The following JARID2 variants were observed in gnomAD, a reference collection of about 807,000 sequenced individuals.
JARID2 encodes jumonji and AT-rich interaction domain containing 2.
JARID2 carries 21 observed loss-of-function variants against 125.6 expected under a neutral mutation model. The observed-to-expected ratio is 0.17, with a 90% CI of 0.12 to 0.24. JARID2 has a LOEUF of 0.24. Among genes scored for constraint, JARID2 ranks in the 10% least tolerant of loss-of-function variants. JARID2 has a pLI of 1.00. For missense variants in JARID2, 1,303 were observed against 1,639.6 expected (o/e 0.79, Z 3.55); for synonymous variants, 736 against 661.6 (o/e 1.11, Z -1.73).
chr6:15,400,015 C>T (rs886991782), intron 2 of JARID2, among the ~76,000 whole-genome samples: 3 of 152,236 alleles, frequency 2.0e-5, no homozygotes, highest in African/African-American at 7.2e-5. Flanking sequence ...CTCCAGTTGT[C>T]TGAGGCCAGG....
chr6:15,476,913 A>G (rs765755015), intron 5 of JARID2, among the ~76,000 whole-genome samples: 2 of 152,162 alleles, frequency 1.3e-5, no homozygotes, highest in African/African-American at 2.4e-5. Context: ...AGACTAGAGG[A>G]ATTAATAAAT....
At chr6:15,466,080 A>C (rs1768718135) in intron 4 of JARID2, among the ~76,000 whole-genome samples, 1 of 152,180 alleles carries the variant, frequency 6.6e-6, no homozygotes, top group African/African-American at 2.4e-5. Context: ...CTGGGATTAC[A>C]GGCGTGAGCC....
intron 3 of JARID2, among the ~76,000 whole-genome samples, chr6:15,446,438 G>A (rs755428304): frequency 1.2e-4 from 19 of 152,350 alleles, no homozygotes; most frequent in Non-Finnish European, 2.5e-4. Context: ...CTCTATTACA[G>A]AGTAACAGGC....
intron 1 of JARID2, among the ~76,000 whole-genome samples, chr6:15,282,536 C>CTCTTTCTCTCTCTGTCTTTG (rs1383220369): frequency 1.3e-5 from 2 of 151,784 alleles, no homozygotes; most frequent in East Asian, 3.9e-4. Context: ...TTTGTTCTCT[C>CTCTTTCTCTCTCTGTCTTTG]TCTTTCTCTC....
chr6:15,486,098 A>T (rs1457393908), intron 5 of JARID2, among the ~76,000 whole-genome samples: 1 of 152,312 alleles, frequency 6.6e-6, no homozygotes, highest in South Asian at 2.1e-4. Flanking sequence ...CTCTGGCAGG[A>T]TGATGGCTAA....
At chr6:15,334,418 G>A (rs896592545) in intron 1 of JARID2, among the ~76,000 whole-genome samples, 20 of 152,040 alleles carry the variant, frequency 1.3e-4, no homozygotes, top group African/African-American at 4.1e-4. Context: ...ATATTGATAC[G>A]TATTTTAATG....
At chr6:15,491,132 G>A (rs1018877184) in intron 6 of JARID2, among the ~76,000 whole-genome samples, 13 of 152,204 alleles carry the variant, frequency 8.5e-5, no homozygotes, top group Non-Finnish European at 1.6e-4. Flanking sequence ...TATTGAGAAG[G>A]AAACATAGAA....
chr6:15,386,012 T>C (rs1764771099), intron 2 of JARID2, among the ~76,000 whole-genome samples: 1 of 152,254 alleles, frequency 6.6e-6, no homozygotes, highest in Admixed American at 6.5e-5. Flanking sequence ...GTACAAGGTA[T>C]GTTGCTTGGT....
At chr6:15,474,334 A>G (rs140160857) in intron 5 of JARID2, among the ~76,000 whole-genome samples, 1,760 of 152,340 alleles carry the variant, frequency 0.012, 37 homozygotes, top group African/African-American at 0.04. Flanking sequence ...AACCATTTCT[A>G]GATGATTAAA....
intron 1 of JARID2, among the ~76,000 whole-genome samples, chr6:15,327,029 A>G (rs147695532): frequency 6.6e-6 from 1 of 152,300 alleles, no homozygotes; most frequent in African/African-American, 2.4e-5. Context: ...CAAGTGCCAC[A>G]GCTTTTGAGA....
chr6:15,443,171 ATGG>A (rs989487809), intron 3 of JARID2, among the ~76,000 whole-genome samples: 6 of 151,744 alleles, frequency 4.0e-5, no homozygotes, highest in Non-Finnish European at 7.4e-5. Context: ...GCGAGCAAGA[ATGG>A]TGTCTTCCTG....
intron 9 of JARID2, among the ~76,000 whole-genome samples, chr6:15,506,782 G>C (rs1028811342): frequency 6.6e-6 from 1 of 152,220 alleles, no homozygotes; most frequent in Non-Finnish European, 1.5e-5. Flanking sequence ...GTTGTAGCAT[G>C]TGTCAGAACT....
chr6:15,267,634 T>G (rs1183499763), intron 1 of JARID2, among the ~76,000 whole-genome samples: 2 of 152,164 alleles, frequency 1.3e-5, no homozygotes, highest in Non-Finnish European at 2.9e-5. Context: ...AGGATATTTT[T>G]TGGCTGTCCT....
chr6:15,318,253 A>G (rs1762243229), intron 1 of JARID2, among the ~76,000 whole-genome samples: 1 of 152,106 alleles, frequency 6.6e-6, no homozygotes. Flanking sequence ...CTCCATTTGT[A>G]TTTAAACTTC....
chr6:15,511,279 G>A lies in JARID2; in HGVS notation c.2847-17G>A. ...TGTCAAGTCTCTGCTTGTCTCTTGT[G>A]TCTCTCAATGACCCAGGTATTGCAT... On this transcript the variant is annotated splice_polypyrimidine_tract_variant and intron_variant, in intron 12 of 17. Coordinates refer to ENST00000341776, the MANE Select transcript of JARID2 (RefSeq NM_004973.4). 2 of 1,569,356 alleles carry A rather than the reference G, an allele frequency of 1.3e-6. No individual in the cohort carries two copies. Among genetic ancestry groups the A allele is most frequent in the Non-Finnish European group, 8.8e-7 (1 of 1,139,368 alleles).
chr6:15,326,071 A>T (rs906186949), intron 1 of JARID2, among the ~76,000 whole-genome samples: 1 of 152,354 alleles, frequency 6.6e-6, no homozygotes, highest in South Asian at 2.1e-4. Flanking sequence ...ATCAATGTGT[A>T]TATGAAACCC....
At chr6:15,258,009 ATG>A (rs1759733021) in intron 1 of JARID2, among the ~76,000 whole-genome samples, 1 of 152,234 alleles carries the variant, frequency 6.6e-6, no homozygotes, top group South Asian at 2.1e-4. Context: ...TTATTCTTAT[ATG>A]TATGAAATGC....
At chr6:15,333,329 A>T (rs992115702) in intron 1 of JARID2, among the ~76,000 whole-genome samples, 2 of 152,072 alleles carry the variant, frequency 1.3e-5, no homozygotes, top group African/African-American at 4.8e-5. Flanking sequence ...ATTTTCATCA[A>T]TCCAAAAGGA....
At chr6:15,339,429 A>G (rs1377377127) in intron 1 of JARID2, among the ~76,000 whole-genome samples, 1 of 152,112 alleles carries the variant, frequency 6.6e-6, no homozygotes, top group Non-Finnish European at 1.5e-5. Flanking sequence ...GAAAGTGGCT[A>G]CCTCAGTCTC....
Sources: gnomAD v4.1 joint callset for allele counts (sites outside exome capture counted in the v4.1 genomes callset) on GRCh38, gnomAD v4.1.1 for gene constraint, MANE v1.5 for transcripts, NCBI Gene and HGNC (gene_info 2026-07-23, HGNC 2026-07-21) for gene names.